Variants in EPS15L1 observed in about 807,000 individuals in gnomAD.
EPS15L1 encodes epidermal growth factor receptor pathway substrate 15 like 1, also known as epidermal growth factor receptor substrate 15-like 1.
Under a neutral mutation model 117.1 loss-of-function variants are expected in EPS15L1, and 43 were observed. The ratio of observed to expected loss-of-function variants is 0.37; its 90% CI spans 0.29 to 0.47. The LOEUF is 0.47. EPS15L1 is among the 20% of genes least tolerant of loss of function. EPS15L1 has a pLI of 0.99. For synonymous variants in EPS15L1, 459 were observed against 470.5 expected, an observed-to-expected ratio of 0.98 and a Z score of 0.32; for missense variants, 981 against 1,164.0, an observed-to-expected ratio of 0.84 and a Z score of 2.29.
At chr19:16,372,975 G>T (rs1051666247) in intron 22 of EPS15L1, among the ~76,000 whole-genome samples, 1 of 152,212 alleles carries the variant, frequency 6.6e-6, no homozygotes, top group Non-Finnish European at 1.5e-5. Flanking sequence ...CTGGCACAGA[G>T]GCCTAGCAGG....
intron 16 of EPS15L1, chr19:16,400,918 T>C: frequency 1.0e-6 from 1 of 985,348 alleles, no homozygotes; most frequent in Non-Finnish European, 1.2e-6. Flanking sequence ...GAGGAAGCTG[T>C]TCCCTGAACG....
chr19:16,378,988 G>A (rs890178269), intron 21 of EPS15L1, among the ~76,000 whole-genome samples: 1 of 152,176 alleles, frequency 6.6e-6, no homozygotes, highest in East Asian at 1.9e-4. Flanking sequence ...AAAGGAATGG[G>A]CAGAAATAGG....
intron 4 of EPS15L1, among the ~76,000 whole-genome samples, chr19:16,440,284 T>G (rs1022135904): frequency 6.6e-6 from 1 of 151,844 alleles, no homozygotes; most frequent in African/African-American, 2.4e-5. Context: ...AATACAAAAA[T>G]TAGCCAGGCA....
chr19:16,382,340 G>A (rs139821283), intron 21 of EPS15L1, among the ~76,000 whole-genome samples: 105 of 152,254 alleles, frequency 6.9e-4, no homozygotes, highest in African/African-American at 2.4e-3. Context: ...CTCGGGCAGC[G>A]GCTTCAAGGA....
At chr19:16,377,001 T>G in intron 22 of EPS15L1, 121 bp downstream of exon 22, 3 of 1,291,780 alleles carry the variant, frequency 2.3e-6, no homozygotes, top group Non-Finnish European at 3.2e-6. Flanking sequence ...GGGACCCTCT[T>G]GCTCCCCACA....
In EPS15L1 at chr19:16,383,926, G is replaced by C. The variant is rs913476683; in HGVS notation, c.2247+1203C>G. ...GCCCCGAGGGGGCCTCATGCCTGGG[G>C]CACGCGTCTTCCAGGTACTCCCGGG... On this transcript the variant is annotated intron_variant, in intron 21 of 23. Coordinates refer to ENST00000455140, the MANE Select transcript of EPS15L1 (RefSeq NM_001258374.3). The surrounding 1 kb of genome is among the most constrained non-coding windows in gnomAD (Gnocchi z 5.2). The C allele has an allele frequency of 6.6e-6, 1 of 152,476 alleles. No homozygotes were observed. Among genetic ancestry groups the C allele is most frequent in the African/African-American group, 2.4e-5 (1 of 41,456 alleles). 9.4% of individuals were successfully genotyped at this position (152,476 alleles called of 1,614,324 possible).
At chr19:16,413,364 A>G (rs2092726013) in intron 13 of EPS15L1, 1 of 691,962 alleles carries the variant, frequency 1.4e-6, no homozygotes, top group Non-Finnish European at 2.6e-6. Context: ...TGACTGCTAC[A>G]CCTCAGCCAG....
chr19:16,389,966 A>C (rs1351691723), intron 19 of EPS15L1, among the ~76,000 whole-genome samples: 1 of 152,208 alleles, frequency 6.6e-6, no homozygotes, highest in East Asian at 1.9e-4. Context: ...AGAAAGCAGG[A>C]AACAAAACAT....
At chr19:16,471,993 T>G (rs752116529), upstream of EPS15L1, 6 of 1,243,366 alleles carry the variant, frequency 4.8e-6, no homozygotes, top group Middle Eastern at 3.1e-4. The surrounding 1 kb of genome is among the most constrained non-coding windows in gnomAD (Gnocchi z 4.8). Context: ...GGGGCGGGGC[T>G]GCAGCCACGC....
chr19:16,392,754 T>A (rs1256494080), intron 18 of EPS15L1, among the ~76,000 whole-genome samples: 1 of 152,146 alleles, frequency 6.6e-6, no homozygotes, highest in Non-Finnish European at 1.5e-5. Flanking sequence ...AAATTGACTT[T>A]AAAAATAATA....
At position 16,383,426 on chromosome 19, in the gene EPS15L1, A is replaced by ACC. The variant is rs1014350940; in HGVS notation, c.2247+1702_2247+1703insGG. Reference sequence around the variant, plus strand: ...CTTGCGACAACCAGAAACGACCAGGACGCCTGAGGGACTGCTGCCACCGTG... The same window carrying ACC: ...CTTGCGACAACCAGAAACGACCAGGACCCGCCTGAGGGACTGCTGCCACCGTG... On this transcript the variant is annotated intron_variant, in intron 21 of 23. Coordinates refer to ENST00000455140, the MANE Select transcript of EPS15L1 (RefSeq NM_001258374.3). The surrounding 1 kb of genome is among the most constrained non-coding windows in gnomAD (Gnocchi z 5.2). 1.3e-5 allele frequency: 2 copies of ACC among 152,252 alleles called. No individual in the cohort carries two copies. Among genetic ancestry groups the ACC allele is most frequent in the African/African-American group, 4.8e-5 (2 of 41,446 alleles). 9.4% of individuals were successfully genotyped at this position (152,252 alleles called of 1,614,324 possible).
chr19:16,376,118 G>A (rs1213226909), intron 22 of EPS15L1, among the ~76,000 whole-genome samples: 2 of 152,174 alleles, frequency 1.3e-5, no homozygotes, highest in Non-Finnish European at 2.9e-5. Context: ...TCGGGGGCAT[G>A]CCCTATCTAG....
At chr19:16,425,380 G>T in intron 8 of EPS15L1, 64 bp from the exon 9 acceptor site, 2 of 1,152,412 alleles carry the variant, frequency 1.7e-6, no homozygotes, top group Non-Finnish European at 2.6e-6. Context: ...TCAGGAGAAG[G>T]CAGAGGGCAG....
intron 16 of EPS15L1, among the ~76,000 whole-genome samples, chr19:16,398,020 G>A (rs958548093): frequency 2.0e-5 from 3 of 152,150 alleles, no homozygotes; most frequent in African/African-American, 4.8e-5. Context: ...TTAAAAAGCC[G>A]GGGCGTCCAC....
intron 21 of EPS15L1, among the ~76,000 whole-genome samples, chr19:16,380,566 G>A (rs1222178527): frequency 6.6e-6 from 1 of 152,150 alleles, no homozygotes; most frequent in Non-Finnish European, 1.5e-5. Flanking sequence ...GGCCATCTAA[G>A]GCTCCAGGGT....
chr19:16,409,924 TGA>T (rs1438456513), intron 13 of EPS15L1, among the ~76,000 whole-genome samples: 3 of 116,478 alleles, frequency 2.6e-5, no homozygotes, highest in Non-Finnish European at 4.8e-5. Flanking sequence ...GGCCACAGAG[TGA>T]GACTCTGTCT....
chr19:16,366,046 T>C (rs1279721794), intron 22 of EPS15L1, among the ~76,000 whole-genome samples: 1 of 152,198 alleles, frequency 6.6e-6, no homozygotes, highest in Non-Finnish European at 1.5e-5. Context: ...TGCTTGGGTA[T>C]TTGATTTTTC....
intron 15 of EPS15L1, among the ~76,000 whole-genome samples, chr19:16,402,918 C>T (rs550924127): frequency 1.5e-4 from 23 of 152,244 alleles, no homozygotes; most frequent in African/African-American, 5.3e-4. Flanking sequence ...CACCCAACTA[C>T]AAACTCTAAG....
intron 1 of EPS15L1, among the ~76,000 whole-genome samples, chr19:16,456,759 A>G (rs1422229474): frequency 6.6e-6 from 1 of 152,170 alleles, no homozygotes; most frequent in Non-Finnish European, 1.5e-5. Context: ...AGGGGACCGC[A>G]TGATATGACT....
Sources: allele counts gnomAD v4.1 joint callset (sites outside exome capture counted in the v4.1 genomes callset), GRCh38; gene constraint gnomAD v4.1.1; non-coding constraint Gnocchi (gnomAD v3.1); transcripts MANE v1.5; gene names NCBI Gene and HGNC (gene_info 2026-07-23, HGNC 2026-07-21).